Variants in GRIK3 observed in about 807,000 individuals in gnomAD.
GRIK3 encodes the protein glutamate receptor ionotropic, kainate 3.
Under a neutral mutation model 102.5 loss-of-function variants are expected in GRIK3, and 29 were observed. The observed-to-expected ratio is 0.28, with a 90% CI of 0.21 to 0.39. The LOEUF (loss-of-function observed/expected upper bound fraction) is 0.39. Among genes scored for constraint, GRIK3 ranks in the 10% least tolerant of loss-of-function variants. The pLI, the probability that GRIK3 is intolerant of heterozygous loss-of-function variation, is 1.00. For synonymous variants in GRIK3, 511 were observed against 504.9 expected (o/e 1.01, Z -0.16); for missense variants, 908 against 1,252.4 (o/e 0.73, Z 4.15).
At chr1:36,939,242 C>G (rs879667779) in intron 1 of GRIK3, among the ~76,000 whole-genome samples, 2 of 152,204 alleles carry the variant, frequency 1.3e-5, no homozygotes, top group African/African-American at 2.4e-5. Context: ...GGTGCAGCCC[C>G]CAAGGGGAGT....
Position 36,919,908 on chromosome 1 carries a change from C to T in GRIK3, c.116-28812G>A, listed in dbSNP as rs184986005. On this transcript the variant is annotated intron_variant, in intron 1 of 15. Coordinates refer to ENST00000373091, the MANE Select transcript of GRIK3 (RefSeq NM_000831.4). Reference sequence around the variant, plus strand: ...GGGGAAGAGGAAGATGCTCCTCCTGCCTGGAGAGCCAGCTCCATCCCTGCC... The same window carrying T: ...GGGGAAGAGGAAGATGCTCCTCCTGTCTGGAGAGCCAGCTCCATCCCTGCC... 2.6e-5 allele frequency among the ~76,000 whole-genome samples: 4 copies of T among 152,312 alleles called. No individual in the cohort carries two copies. In the East Asian group the frequency reaches 7.7e-4, roughly 29 times the overall value.
intron 15 of GRIK3, 177 bp downstream of exon 15, chr1:36,804,809 GA>G (rs1361412066): frequency 6.4e-6 from 5 of 783,710 alleles, no homozygotes; most frequent in Non-Finnish European, 6.0e-6. Flanking sequence ...AACGGCGATG[GA>G]AAAAAGTGCC....
intron 1 of GRIK3, among the ~76,000 whole-genome samples, chr1:37,033,776 C>A (rs1445422071): frequency 6.6e-6 from 1 of 152,226 alleles, no homozygotes; most frequent in Non-Finnish European, 1.5e-5. Flanking sequence ...CCAAGGGCCC[C>A]TCGCCCACTG....
intron 8 of GRIK3, among the ~76,000 whole-genome samples, chr1:36,851,018 A>G (rs1445964915): frequency 6.6e-6 from 1 of 152,174 alleles, no homozygotes; most frequent in East Asian, 1.9e-4. Flanking sequence ...GGAAAGGTCA[A>G]GTTTAGAAAT....
chr1:36,950,860 C>T (rs947786144), intron 1 of GRIK3, among the ~76,000 whole-genome samples: 4 of 152,198 alleles, frequency 2.6e-5, no homozygotes, highest in Non-Finnish European at 5.9e-5. Context: ...TACACTCACT[C>T]CCCTGGGATG....
At chr1:36,842,878 A>G (rs376741506) in intron 9 of GRIK3, among the ~76,000 whole-genome samples, 7 of 152,266 alleles carry the variant, frequency 4.6e-5, no homozygotes, top group African/African-American at 1.7e-4. Flanking sequence ...GTGTGACCCC[A>G]GAGTGCGAGT....
intron 2 of GRIK3, among the ~76,000 whole-genome samples, chr1:36,888,975 T>G (rs1162607322): frequency 6.6e-6 from 1 of 152,058 alleles, no homozygotes; most frequent in African/African-American, 2.4e-5. Context: ...TTTGACACAC[T>G]TTCATTTGTG....
At chr1:36,975,454 C>T (rs1642186725) in intron 1 of GRIK3, among the ~76,000 whole-genome samples, 1 of 151,948 alleles carries the variant, frequency 6.6e-6, no homozygotes, top group South Asian at 2.1e-4. Flanking sequence ...GCCACCATGC[C>T]CAGCTGATTT....
At chr1:36,875,238 T>C (rs1430255928) in intron 3 of GRIK3, among the ~76,000 whole-genome samples, 1 of 152,256 alleles carries the variant, frequency 6.6e-6, no homozygotes, top group East Asian at 1.9e-4. Context: ...TGTAGCCCTT[T>C]CCTTCATCCC....
Position 36,869,709 on chromosome 1 carries a change from C to T in GRIK3, c.786+39G>A. 3 of 1,454,548 alleles carry T rather than the reference C, an allele frequency of 2.1e-6. No individual in the cohort carries two copies. In the South Asian group the frequency reaches 3.4e-5, roughly 17 times the overall value. The allele number at this position is 1,454,548 out of a possible 1,614,324, so 90.1% of individuals were successfully genotyped here. ...CACAATGAACTTGATCCATGAGAGT[C>T]CCACCCCTTTCCCGTGCCAGGACCC... On this transcript the variant is annotated intron_variant, in intron 5 of 15. Coordinates refer to ENST00000373091, the MANE Select transcript of GRIK3 (RefSeq NM_000831.4).
intron 1 of GRIK3, among the ~76,000 whole-genome samples, chr1:37,001,377 T>C (rs1464970688): frequency 6.6e-6 from 1 of 152,216 alleles, no homozygotes; most frequent in Non-Finnish European, 1.5e-5. Flanking sequence ...AATAACTCCA[T>C]ACATTAGGGA....
At chr1:36,833,371 A>G (rs1205752627) in intron 10 of GRIK3, among the ~76,000 whole-genome samples, 1 of 152,122 alleles carries the variant, frequency 6.6e-6, no homozygotes, top group East Asian at 1.9e-4. Context: ...CCTAGCACCG[A>G]TAGCCCTCAC....
At chr1:37,021,568 C>A (rs1462299437) in intron 1 of GRIK3, among the ~76,000 whole-genome samples, 2 of 152,186 alleles carry the variant, frequency 1.3e-5, no homozygotes, top group African/African-American at 4.8e-5. Flanking sequence ...TGAGAGTTCA[C>A]CCATATTTTA....
At chr1:37,027,325 C>T (rs1642774565) in intron 1 of GRIK3, among the ~76,000 whole-genome samples, 1 of 152,128 alleles carries the variant, frequency 6.6e-6, no homozygotes, top group African/African-American at 2.4e-5. Context: ...AACCCAGTCC[C>T]CTGGCCCTCA....
At chr1:36,873,836 C>CA (rs1209849705) in intron 3 of GRIK3, among the ~76,000 whole-genome samples, 1 of 152,166 alleles carries the variant, frequency 6.6e-6, no homozygotes. Context: ...ACAACTGGCA[C>CA]AAAAAGAGGG....
rs1570776553 is a variant in GRIK3, at chr1:36,880,631, C to T, written c.550+3G>A. 2 of 1,613,976 alleles carry T rather than the reference C, an allele frequency of 1.2e-6. No individual in the cohort carries two copies. The highest frequency in any genetic ancestry group is 1.7e-6 in the Non-Finnish European group (2 of 1,179,886). On this transcript the variant is annotated splice_donor_region_variant and intron_variant, in intron 3 of 15. Transcript: ENST00000373091. The surrounding 1 kb of genome is among the most constrained non-coding windows in gnomAD (Gnocchi z 5.4). ...CCCAGCCTAGCCAGGCCTGGCCACC[C>T]ACCTGTACTGTCGTCATAGACCACG...
rs138650000 is a variant in GRIK3, at chr1:36,904,248, C to T, written c.116-13152G>A. 1.7e-3 allele frequency among the ~76,000 whole-genome samples: 256 copies of T among 152,354 alleles called. 3 individuals carry two copies. In the East Asian group the frequency reaches 0.037, roughly 22 times the overall value. ...ACAGTTTGTAACACTTAAGTGTGTACGCGTGTGCATCCACACAGGTGTGCA... is the reference window on the plus strand; with the variant it reads ...ACAGTTTGTAACACTTAAGTGTGTATGCGTGTGCATCCACACAGGTGTGCA... On this transcript the variant is annotated intron_variant, in intron 1 of 15. Transcript: ENST00000373091.
chr1:37,010,792 A>G (rs2124054162), intron 1 of GRIK3, among the ~76,000 whole-genome samples: 1 of 136,214 alleles, frequency 7.3e-6, no homozygotes, highest in East Asian at 2.2e-4. Flanking sequence ...CGGACTGCGG[A>G]CTGCAGTGGC....
chr1:36,840,340 T>G (rs916870071), intron 10 of GRIK3, among the ~76,000 whole-genome samples: 1 of 152,030 alleles, frequency 6.6e-6, no homozygotes, highest in Non-Finnish European at 1.5e-5. Flanking sequence ...TCATGTTTAT[T>G]GTGTGCCAGG....
Sources: gnomAD v4.1 joint callset for allele counts (sites outside exome capture counted in the v4.1 genomes callset) on GRCh38, gnomAD v4.1.1 for gene constraint, Gnocchi (gnomAD v3.1) non-coding constraint, MANE v1.5 for transcripts, NCBI Gene and HGNC (gene_info 2026-07-23, HGNC 2026-07-21) for gene names.